MIDEAS: variants seen among roughly 807,000 people sequenced by gnomAD.
MIDEAS encodes mitotic deacetylase-associated SANT domain protein.
In MIDEAS, 26 loss-of-function variants were observed where a neutral mutation model predicts 102.7. The observed-to-expected ratio is 0.25, with a 90% CI of 0.19 to 0.35. The LOEUF is 0.35. Among genes scored for constraint, MIDEAS ranks in the 10% least tolerant of loss-of-function variants. MIDEAS has a pLI of 1.00. For synonymous variants in MIDEAS, 585 were observed against 591.0 expected, an observed-to-expected ratio of 0.99 and a Z score of 0.15; for missense variants, 1,231 against 1,435.6, an observed-to-expected ratio of 0.86 and a Z score of 2.30.
At chr14:73,767,391 T>G (rs1001813697) in intron 1 of MIDEAS, among the ~76,000 whole-genome samples, 1 of 151,950 alleles carries the variant, frequency 6.6e-6, no homozygotes, top group African/African-American at 2.4e-5. Context: ...TCCCAGCGCT[T>G]TGGGAGGCTA....
intron 1 of MIDEAS, among the ~76,000 whole-genome samples, chr14:73,778,845 C>T (rs1167568263): frequency 1.3e-5 from 2 of 152,036 alleles, no homozygotes; most frequent in African/African-American, 2.4e-5. Context: ...TCCTCTCCAT[C>T]GCACTCTGCC....
chr14:73,760,183 G>C lies in MIDEAS; in HGVS notation c.-668C>G, dbSNP rs974896416. On this transcript the variant is annotated 5_prime_UTR_variant, in exon 1 of 13. Coordinates refer to ENST00000423556, the MANE Select transcript of MIDEAS (RefSeq NM_001367710.1). The surrounding 1 kb of genome is among the most constrained non-coding windows in gnomAD (Gnocchi z 4.8). ...GGCGAGAGGCAACAGCGGAGGAGGAGGACTCTGGCGTGCTACAAAGGATTG... is the reference window on the plus strand; with the variant it reads ...GGCGAGAGGCAACAGCGGAGGAGGACGACTCTGGCGTGCTACAAAGGATTG... 2 of 152,274 alleles carry C rather than the reference G, an allele frequency of 1.3e-5. No homozygotes were observed. Among genetic ancestry groups the C allele is most frequent in the African/African-American group, 2.4e-5 (1 of 41,400 alleles). The allele number at this position is 152,274 out of a possible 1,614,324, so 9.4% of individuals were successfully genotyped here.
chr14:73,742,212 A>G lies in MIDEAS; in HGVS notation c.-247-1957T>C, dbSNP rs922809593. On this transcript the variant is annotated intron_variant, in intron 1 of 12. Coordinates refer to ENST00000423556, the MANE Select transcript of MIDEAS (RefSeq NM_001367710.1). This position sits in a 1 kb window ranked among gnomAD's most constrained non-coding sequence, Gnocchi z 4.4. ...GAATGTGCGCCAGCCTGGCAAGCCC[A>G]CGTGCCTCCAGGGGGCTGCGAGCCC... 2.6e-5 allele frequency among the ~76,000 whole-genome samples: 4 copies of G among 152,246 alleles called. No individual in the cohort carries two copies. The highest frequency in any genetic ancestry group is 1.3e-4 in the Admixed American group (2 of 15,290).
At chr14:73,788,665 G>A (rs2053841110), upstream of MIDEAS, among the ~76,000 whole-genome samples, 1 of 152,188 alleles carries the variant, frequency 6.6e-6, no homozygotes, top group Non-Finnish European at 1.5e-5. Flanking sequence ...AGAAATAACT[G>A]CATCATTAGA....
At chr14:73,767,828 C>T (rs2053604875) in intron 1 of MIDEAS, among the ~76,000 whole-genome samples, 1 of 152,200 alleles carries the variant, frequency 6.6e-6, no homozygotes, top group Non-Finnish European at 1.5e-5. Context: ...GGATGACCTA[C>T]ACAGGATTTT....
rs539826806 is a variant in MIDEAS at position 73,740,137 on chromosome 14, G to T, written c.-129C>A. ...GGGCAGAGCAGGGGCAGAGGAAGAC[G>T]CTGGACAGTGAGGTCGGACACTGGG... On this transcript the variant is annotated 5_prime_UTR_variant, in exon 2 of 13. Coordinates refer to ENST00000423556, the MANE Select transcript of MIDEAS (RefSeq NM_001367710.1). 3 of 1,229,766 alleles carry T rather than the reference G, an allele frequency of 2.4e-6. No homozygotes were observed. Among genetic ancestry groups the T allele is most frequent in the South Asian group, 2.5e-5 (1 of 39,934 alleles). 76.2% of individuals were successfully genotyped at this position (1,229,766 alleles called of 1,614,324 possible).
chr14:73,756,519 C>T (rs2053486455), intron 1 of MIDEAS, among the ~76,000 whole-genome samples: 1 of 152,218 alleles, frequency 6.6e-6, no homozygotes, highest in Admixed American at 6.5e-5. Flanking sequence ...TTTTCAGTCC[C>T]AGAGTCAAGA....
Position 73,726,022 on chromosome 14 carries a change from G to C in MIDEAS, c.2485+11C>G. 6.3e-7 allele frequency: 1 copy of C among 1,583,488 alleles called. No individual in the cohort carries two copies. Among genetic ancestry groups the C allele is most frequent in the Non-Finnish European group, 8.6e-7 (1 of 1,165,022 alleles). ...GGCTCCAGGCACCATGCCCACCGCA[G>C]CCAGGCCCACCTGTGTAGTGATAAG... On this transcript the variant is annotated intron_variant, in intron 8 of 12. Transcript: ENST00000423556.
Position 73,718,773 on chromosome 14 carries a change from G to C in MIDEAS, c.*70C>G. ...CCTCACTCCCTCTTGAGATGCCAGG[G>C]TGTCTGCGGGCGCTGGCGGCGGTGC... On this transcript the variant is annotated 3_prime_UTR_variant, in exon 13 of 13. Coordinates refer to ENST00000423556, the MANE Select transcript of MIDEAS (RefSeq NM_001367710.1). 1 of 1,321,786 alleles carries C rather than the reference G, an allele frequency of 7.6e-7. No homozygotes were observed. The highest frequency in any genetic ancestry group is 9.7e-7 in the Non-Finnish European group (1 of 1,034,376). 81.9% of individuals were successfully genotyped at this position (1,321,786 alleles called of 1,614,324 possible).
chr14:73,743,599 C>G lies in MIDEAS; in HGVS notation c.-247-3344G>C, dbSNP rs557790890. Among the ~76,000 whole-genome samples, 10 of 152,282 alleles carry G rather than the reference C, an allele frequency of 6.6e-5. No individual in the cohort carries two copies. The South Asian group carries it at 2.1e-3, about 32-fold the overall frequency. ...TCTCATTTCTTCTACCCCACCCCCG[C>G]TGCCCTGTCCCTCAGATGGAAATCA... On this transcript the variant is annotated intron_variant, in intron 1 of 12. Coordinates refer to ENST00000423556, the MANE Select transcript of MIDEAS (RefSeq NM_001367710.1).
intron 1 of MIDEAS, among the ~76,000 whole-genome samples, chr14:73,752,660 G>A (rs558978319): frequency 2.3e-4 from 35 of 152,260 alleles, no homozygotes; most frequent in African/African-American, 7.5e-4. Context: ...ACAGACAGAC[G>A]CCCATTTGAC....
chr14:73,766,439 T>C (rs1222909043), intron 1 of MIDEAS, among the ~76,000 whole-genome samples: 2 of 152,266 alleles, frequency 1.3e-5, no homozygotes, highest in Non-Finnish European at 2.9e-5. Flanking sequence ...TTCTATTTCA[T>C]TGATTCTAAG....
chr14:73,761,841 C>T (rs1794922970), upstream of MIDEAS, among the ~76,000 whole-genome samples: 4 of 152,130 alleles, frequency 2.6e-5, no homozygotes. Context: ...AAGTGAATTG[C>T]ACCAGGTCAC....
rs2052927888 is a variant in MIDEAS, at chr14:73,718,509, G to C, written c.*334C>G. On this transcript the variant is annotated 3_prime_UTR_variant, in exon 13 of 13. Coordinates refer to ENST00000423556, the MANE Select transcript of MIDEAS (RefSeq NM_001367710.1). ...GGGAGGAGGGGGAAGCAAATAAAGGGAAAAGACTGCGGGGCAGCAGAGCAG... is the reference window on the plus strand; with the variant it reads ...GGGAGGAGGGGGAAGCAAATAAAGGCAAAAGACTGCGGGGCAGCAGAGCAG... 1 of 212,832 alleles carries C rather than the reference G, an allele frequency of 4.7e-6. No individual in the cohort carries two copies. The highest frequency in any genetic ancestry group is 2.3e-5 in the African/African-American group (1 of 43,656). 13.2% of individuals were successfully genotyped at this position (212,832 alleles called of 1,614,324 possible). A position where few individuals can be genotyped will look rare whatever the true frequency, so the allele number is the denominator to read the frequency against.
At chr14:73,781,785 C>T (rs917075191) in intron 1 of MIDEAS, among the ~76,000 whole-genome samples, 4 of 148,694 alleles carry the variant, frequency 2.7e-5, no homozygotes, top group East Asian at 4.0e-4. Context: ...CGGTGGCGCA[C>T]GCCTGTAATC....
intron 1 of MIDEAS, among the ~76,000 whole-genome samples, chr14:73,782,798 G>A (rs975911931): frequency 1.3e-5 from 2 of 152,166 alleles, no homozygotes; most frequent in East Asian, 3.9e-4. Context: ...GGCCAAAGCT[G>A]GGAAGATACT....
intron 2 of MIDEAS, among the ~76,000 whole-genome samples, chr14:73,738,092 T>C (rs530158121): frequency 7.9e-5 from 12 of 152,216 alleles, no homozygotes; most frequent in African/African-American, 2.9e-4. Flanking sequence ...CCTCACACTG[T>C]TCTCTTCTAT....
intron 1 of MIDEAS, among the ~76,000 whole-genome samples, chr14:73,781,508 G>T (rs1416730084): frequency 1.3e-5 from 2 of 150,846 alleles, no homozygotes; most frequent in Non-Finnish European, 3.0e-5. Flanking sequence ...GCGGAGGAGG[G>T]CAGATCACCT....
chr14:73,788,331 G>T (rs575462548), upstream of MIDEAS, among the ~76,000 whole-genome samples: 13 of 152,238 alleles, frequency 8.5e-5, no homozygotes, highest in Non-Finnish European at 1.8e-4. Flanking sequence ...TAGCACATTG[G>T]CCAGATAAAA....
Sources: gnomAD v4.1 joint callset for allele counts (sites outside exome capture counted in the v4.1 genomes callset) on GRCh38, gnomAD v4.1.1 for gene constraint, Gnocchi (gnomAD v3.1) non-coding constraint, MANE v1.5 for transcripts, NCBI Gene and HGNC (gene_info 2026-07-23, HGNC 2026-07-21) for gene names.